RCAN2: variants seen among roughly 807,000 people sequenced by gnomAD.
RCAN2 encodes calcipressin-2.
In RCAN2, 9 loss-of-function variants were observed where a neutral mutation model predicts 23.6. That is an observed-to-expected ratio of 0.38 (90% CI 0.23 to 0.67). The LOEUF is 0.67. RCAN2 is among the 30% of genes least tolerant of loss of function. The pLI is 0.51. For synonymous variants in RCAN2, 109 were observed against 115.7 expected (o/e 0.94, Z 0.37); for missense variants, 273 against 302.3 (o/e 0.90, Z 0.72).
intron 2 of RCAN2, among the ~76,000 whole-genome samples, chr6:46,314,359 CAAAAAAAAAA>C (rs537111154): frequency 1.1e-5 from 1 of 92,218 alleles, no homozygotes; most frequent in Non-Finnish European, 2.3e-5. Context: ...GAGACTCTGT[CAAAAAAAAAA>C]AAAAAAAAAA....
chr6:46,303,908 T>A (rs1762987398), intron 2 of RCAN2, among the ~76,000 whole-genome samples: 1 of 152,144 alleles, frequency 6.6e-6, no homozygotes, highest in Non-Finnish European at 1.5e-5. Context: ...ACAAGCCTGC[T>A]GTAAACATCC....
At chr6:46,465,278 T>C (rs1025962122) in intron 1 of RCAN2, among the ~76,000 whole-genome samples, 3 of 152,204 alleles carry the variant, frequency 2.0e-5, no homozygotes, top group Non-Finnish European at 2.9e-5. Flanking sequence ...CAGTGAATTA[T>C]AGATTTGTTA....
At position 46,248,412 on chromosome 6, in the gene RCAN2, C is replaced by T. The variant is rs536077016; in HGVS notation, c.399+311G>A. Among the ~76,000 whole-genome samples, 68 of 152,250 alleles carry T rather than the reference C, an allele frequency of 4.5e-4. 2 individuals carry two copies. The South Asian group carries it at 0.014, about 31-fold the overall frequency. On this transcript the variant is annotated intron_variant, in intron 3 of 4. Coordinates refer to ENST00000371374, the MANE Select transcript of RCAN2 (RefSeq NM_001251974.2). Reference sequence around the variant, plus strand: ...TTGTGTATTTGCCAAATATTAGGCACTTAAACACACAATAATTCATGCAAT... The same window carrying T: ...TTGTGTATTTGCCAAATATTAGGCATTTAAACACACAATAATTCATGCAAT...
intron 1 of RCAN2, among the ~76,000 whole-genome samples, chr6:46,486,331 T>C (rs1768989231): frequency 6.6e-6 from 1 of 152,158 alleles, no homozygotes; most frequent in Admixed American, 6.5e-5. Context: ...GAGCAAAGCA[T>C]CTGGAACAGG....
intron 2 of RCAN2, among the ~76,000 whole-genome samples, chr6:46,399,081 A>G (rs983569966): frequency 1.3e-5 from 2 of 152,064 alleles, no homozygotes; most frequent in Non-Finnish European, 2.9e-5. Context: ...CAAGTCTGAG[A>G]AACATTCTTC....
chr6:46,374,086 G>C (rs1765398142), intron 2 of RCAN2, among the ~76,000 whole-genome samples: 2 of 152,178 alleles, frequency 1.3e-5, no homozygotes. Context: ...TGAGGGTAGG[G>C]ACAATGTCTT....
At position 46,343,869 on chromosome 6, in the gene RCAN2, G is replaced by A. The variant is rs371443650; in HGVS notation, c.226-94973C>T. 8.5e-4 allele frequency among the ~76,000 whole-genome samples: 130 copies of A among 152,254 alleles called. 2 individuals are homozygous for A. Among genetic ancestry groups the A allele is most frequent in the African/African-American group, 2.9e-3 (120 of 41,544 alleles). On this transcript the variant is annotated intron_variant, in intron 2 of 4. Transcript: ENST00000371374. ...AATATGAATGCTCTCCAACTGGTGA[G>A]CAGATAATCAAAATGCAGTTTATTC...
intron 2 of RCAN2, among the ~76,000 whole-genome samples, chr6:46,375,288 C>T (rs150264130): frequency 9.2e-5 from 14 of 152,266 alleles, no homozygotes; most frequent in Admixed American, 5.9e-4. Context: ...CATAAAGATT[C>T]CCAAATGGTT....
At chr6:46,452,248 A>G (rs1767902275) in intron 2 of RCAN2, among the ~76,000 whole-genome samples, 1 of 152,178 alleles carries the variant, frequency 6.6e-6, no homozygotes, top group Non-Finnish European at 1.5e-5. Context: ...AGACCATGGG[A>G]AAAGTCTCTG....
intron 2 of RCAN2, among the ~76,000 whole-genome samples, chr6:46,366,344 C>T (rs892290118): frequency 2.6e-5 from 4 of 152,156 alleles, no homozygotes; most frequent in African/African-American, 9.7e-5. Context: ...AGTATCCAGG[C>T]ATCTTCCTGA....
intron 2 of RCAN2, among the ~76,000 whole-genome samples, chr6:46,322,349 C>T (rs1763645293): frequency 6.6e-6 from 1 of 152,236 alleles, no homozygotes; most frequent in South Asian, 2.1e-4. Flanking sequence ...AAGTTCACAA[C>T]ACCACCAATG....
intron 2 of RCAN2, among the ~76,000 whole-genome samples, chr6:46,331,728 T>C (rs1763980627): frequency 6.6e-6 from 1 of 152,240 alleles, no homozygotes; most frequent in South Asian, 2.1e-4. Context: ...GGGTATTGTT[T>C]ATAAGCCTTT....
chr6:46,329,314 A>G (rs1346348844), intron 2 of RCAN2, among the ~76,000 whole-genome samples: 1 of 152,168 alleles, frequency 6.6e-6, no homozygotes, highest in East Asian at 1.9e-4. Flanking sequence ...ACACAGAGTC[A>G]ATCACTATCC....
intron 2 of RCAN2, among the ~76,000 whole-genome samples, chr6:46,394,027 G>A (rs986435549): frequency 1.3e-5 from 2 of 152,206 alleles, no homozygotes; most frequent in African/African-American, 4.8e-5. Flanking sequence ...AAGTCTGAAA[G>A]CTCAAACAAT....
intron 3 of RCAN2, among the ~76,000 whole-genome samples, chr6:46,248,290 G>A (rs1766588121): frequency 5.9e-5 from 9 of 152,168 alleles, no homozygotes. Flanking sequence ...TTCCACTAAA[G>A]CTGTCATATG....
chr6:46,403,875 T>A (rs1766327110), intron 2 of RCAN2, among the ~76,000 whole-genome samples: 1 of 152,106 alleles, frequency 6.6e-6, no homozygotes, highest in Non-Finnish European at 1.5e-5. Context: ...GCCGATGAGG[T>A]GAGGTTGGAT....
intron 2 of RCAN2, among the ~76,000 whole-genome samples, chr6:46,447,688 CAG>C (rs1670110143): frequency 6.6e-6 from 1 of 151,720 alleles, no homozygotes; most frequent in Non-Finnish European, 1.5e-5. Context: ...AGAACAATAA[CAG>C]AAAGAATTTC....
At chr6:46,306,609 T>A (rs990262248) in intron 2 of RCAN2, among the ~76,000 whole-genome samples, 4 of 152,160 alleles carry the variant, frequency 2.6e-5, no homozygotes, top group Admixed American at 2.6e-4. Context: ...TTTTGGCTGC[T>A]CTCACATGTA....
intron 1 of RCAN2, among the ~76,000 whole-genome samples, chr6:46,468,568 GT>G: frequency 6.6e-6 from 1 of 152,314 alleles, no homozygotes; most frequent in East Asian, 1.9e-4. Flanking sequence ...CTGCACATGT[GT>G]TGTTATTTAC....
Sources: gnomAD v4.1 joint callset for allele counts (sites outside exome capture counted in the v4.1 genomes callset) on GRCh38, gnomAD v4.1.1 for gene constraint, MANE v1.5 for transcripts, NCBI Gene and HGNC (gene_info 2026-07-23, HGNC 2026-07-21) for gene names.